The following EFCAB6 variants were observed in gnomAD, a reference collection of about 807,000 sequenced individuals.
EFCAB6 encodes the protein EF-hand calcium-binding domain-containing protein 6.
Under a neutral mutation model 169.8 loss-of-function variants are expected in EFCAB6, and 156 were observed. The observed-to-expected ratio is 0.92, with a 90% CI of 0.81 to 1.05. The LOEUF (loss-of-function observed/expected upper bound fraction) is 1.05. Ranked by LOEUF, EFCAB6 falls within the 50% of genes least tolerant of loss-of-function variation. The pLI, the probability that EFCAB6 is intolerant of heterozygous loss-of-function variation, is 0.00. For missense variants in EFCAB6, 1,800 were observed against 1,829.1 expected, an observed-to-expected ratio of 0.98 and a Z score of 0.29; for synonymous variants, 698 against 676.4, an observed-to-expected ratio of 1.03 and a Z score of -0.50.
chr22:43,532,990 C>T (rs1350848849), intron 30 of EFCAB6, among the ~76,000 whole-genome samples: 1 of 152,232 alleles, frequency 6.6e-6, no homozygotes, highest in Non-Finnish European at 1.5e-5. Flanking sequence ...AACGTTAATT[C>T]AGTACTAAAA....
chr22:43,530,087 C>T (rs182206199), intron 31 of EFCAB6, among the ~76,000 whole-genome samples: 1 of 152,296 alleles, frequency 6.6e-6, no homozygotes, highest in East Asian at 1.9e-4. Context: ...CTGAGACGGC[C>T]CCTCAATTAC....
chr22:43,661,501 G>A (rs79019562), intron 17 of EFCAB6, among the ~76,000 whole-genome samples: 12,597 of 152,272 alleles, frequency 0.083, 650 homozygotes, highest in South Asian at 0.16. Flanking sequence ...AGCAACGAAC[G>A]GAGACAGGGT....
chr22:43,688,688 A>G (rs992021858), intron 10 of EFCAB6, among the ~76,000 whole-genome samples: 3 of 152,226 alleles, frequency 2.0e-5, no homozygotes, highest in Admixed American at 1.3e-4. Flanking sequence ...TAATAGGTCA[A>G]AAAGCCTCGG....
At chr22:43,631,735 A>G (rs1193789249) in intron 19 of EFCAB6, among the ~76,000 whole-genome samples, 1 of 152,082 alleles carries the variant, frequency 6.6e-6, no homozygotes, top group African/African-American at 2.4e-5. Flanking sequence ...ATTCTAGCAC[A>G]TAGTAAGTGT....
intron 10 of EFCAB6, among the ~76,000 whole-genome samples, chr22:43,709,817 T>C (rs1353426246): frequency 3.9e-5 from 6 of 152,158 alleles, no homozygotes; most frequent in African/African-American, 1.4e-4. Flanking sequence ...ACAAAAGAGC[T>C]GTTTTCTGAG....
chr22:43,672,364 T>C, intron 13 of EFCAB6, 59 bp from the exon 14 acceptor site: 1 of 1,580,734 alleles, frequency 6.3e-7, no homozygotes, highest in Non-Finnish European at 8.7e-7. Context: ...ATTAGGAGCT[T>C]TGGAGGCAGG....
At chr22:43,615,756 C>A in intron 21 of EFCAB6, 70 bp downstream of exon 21, 1 of 1,371,830 alleles carries the variant, frequency 7.3e-7, no homozygotes, top group Non-Finnish European at 1.0e-6. Flanking sequence ...TGAACAGCTT[C>A]ATCATCCCAG....
chr22:43,651,928 T>A (rs188023834), intron 17 of EFCAB6, among the ~76,000 whole-genome samples: 5 of 152,346 alleles, frequency 3.3e-5, no homozygotes, highest in African/African-American at 1.2e-4. Context: ...CCTCATTGTA[T>A]CTAGGAAGCA....
intron 17 of EFCAB6, among the ~76,000 whole-genome samples, chr22:43,649,708 T>C (rs1377004893): frequency 6.6e-6 from 1 of 151,652 alleles, no homozygotes; most frequent in East Asian, 1.9e-4. Flanking sequence ...TGAGAACAAA[T>C]GAAAAAGACA....
intron 2 of EFCAB6, among the ~76,000 whole-genome samples, chr22:43,789,482 G>A (rs2062196799): frequency 6.6e-6 from 1 of 152,124 alleles, no homozygotes; most frequent in African/African-American, 2.4e-5. Flanking sequence ...AGACCTTAGG[G>A]GAAGCAGGGC....
At chr22:43,784,680 C>T (rs904898772) in intron 2 of EFCAB6, among the ~76,000 whole-genome samples, 1,673 of 57,018 alleles carry the variant, frequency 0.029, 48 homozygotes, top group African/African-American at 0.069. Context: ...CATATATACA[C>T]ACACACACAC....
intron 27 of EFCAB6, 63 bp downstream of exon 27, chr22:43,554,806 C>A: frequency 7.0e-7 from 1 of 1,420,366 alleles, no homozygotes; most frequent in Non-Finnish European, 9.9e-7. Flanking sequence ...TACATTCTGG[C>A]CAGGGACCAG....
At position 43,586,340 on chromosome 22, in the gene EFCAB6, A is replaced by ATTTTT. The variant is rs36058832; in HGVS notation, c.3032+3729_3032+3733dup. The stretch of plus-strand genomic sequence containing the variant: ...ACTGTAAACTCTTGAGCAACAACTG[A>ATTTTT]TTTTTTTTTTTTTTTTTTTTTTTTT... On this transcript the variant is annotated intron_variant, in intron 24 of 31. Coordinates refer to ENST00000262726, the MANE Select transcript of EFCAB6 (RefSeq NM_022785.4). Among the ~76,000 whole-genome samples the ATTTTT allele has an allele frequency of 3.5e-3, 254 of 72,918 alleles. 27 individuals carry two copies. Among genetic ancestry groups the ATTTTT allele is most frequent in the African/African-American group, 0.014 (222 of 15,428 alleles). 47.8% of individuals were successfully genotyped at this position (72,918 alleles called of 152,430 possible). A position where few individuals can be genotyped will look rare whatever the true frequency, so the allele number is the denominator to read the frequency against.
At chr22:43,689,713 C>T (rs1336723322) in intron 10 of EFCAB6, among the ~76,000 whole-genome samples, 1 of 152,044 alleles carries the variant, frequency 6.6e-6, no homozygotes, top group Non-Finnish European at 1.5e-5. Flanking sequence ...ACTTAGTTTA[C>T]AAAATGAGGA....
chr22:43,765,451 C>A (rs547407496), intron 4 of EFCAB6, 58 bp from the exon 5 acceptor site: 62 of 1,335,454 alleles, frequency 4.6e-5, no homozygotes, highest in Non-Finnish European at 6.0e-5. Context: ...AAGCAATAGA[C>A]GGTAAAGCAG....
intron 20 of EFCAB6, among the ~76,000 whole-genome samples, chr22:43,618,037 G>A (rs1278494091): frequency 6.6e-6 from 1 of 150,758 alleles, no homozygotes; most frequent in Non-Finnish European, 1.5e-5. Flanking sequence ...GGGAGGCGGA[G>A]GTTGCAGTGA....
intron 28 of EFCAB6, among the ~76,000 whole-genome samples, chr22:43,538,044 T>C (rs1010397796): frequency 6.7e-6 from 1 of 149,084 alleles, no homozygotes; most frequent in Non-Finnish European, 1.5e-5. Flanking sequence ...GGCTCTAATC[T>C]AGCCCAGGTT....
intron 26 of EFCAB6, among the ~76,000 whole-genome samples, chr22:43,558,675 C>G (rs1404590418): frequency 6.6e-6 from 1 of 152,174 alleles, no homozygotes; most frequent in East Asian, 1.9e-4. Flanking sequence ...GGACCCTCTA[C>G]TAGCAAAAAG....
At chr22:43,684,682 C>T (rs371086747) in intron 11 of EFCAB6, among the ~76,000 whole-genome samples, 10 of 152,334 alleles carry the variant, frequency 6.6e-5, no homozygotes, top group Admixed American at 6.5e-5. Flanking sequence ...AAGCCTACGC[C>T]TACCACCACT....
Sources: gnomAD v4.1 joint callset for allele counts (sites outside exome capture counted in the v4.1 genomes callset) on GRCh38, gnomAD v4.1.1 for gene constraint, MANE v1.5 for transcripts, NCBI Gene and HGNC (gene_info 2026-07-23, HGNC 2026-07-21) for gene names.